PCDHGA10: variants seen among roughly 807,000 people sequenced by gnomAD.
PCDHGA10 encodes protocadherin gamma subfamily A, 10.
A neutral mutation model predicts 59.5 loss-of-function variants in PCDHGA10; 42 were observed. The observed-to-expected ratio is 0.71, with a 90% CI of 0.55 to 0.91. PCDHGA10 has a LOEUF of 0.91. PCDHGA10 is among the 40% of genes least tolerant of loss of function. The pLI, the probability that PCDHGA10 is intolerant of heterozygous loss-of-function variation, is 0.00. For synonymous variants in PCDHGA10, 511 were observed against 517.2 expected, an observed-to-expected ratio of 0.99 and a Z score of 0.16; for missense variants, 1,111 against 1,198.2, an observed-to-expected ratio of 0.93 and a Z score of 1.07.
chr5:141,441,623 C>T (rs530409184), intron 1 of PCDHGA10: 2 of 224,422 alleles, frequency 8.9e-6, no homozygotes, highest in Non-Finnish European at 1.8e-5. Flanking sequence ...TGGCCAGTGA[C>T]CTGGAGCCAC....
intron 1 of PCDHGA10, among the ~76,000 whole-genome samples, chr5:141,457,854 C>A (rs2098930903): frequency 6.6e-6 from 1 of 152,234 alleles, no homozygotes; most frequent in African/African-American, 2.4e-5. Flanking sequence ...AAGTGACATT[C>A]TTCACTGACC....
Position 141,432,244 on chromosome 5 carries a change from C to T in PCDHGA10, c.2436+16633C>T. 1 of 1,614,262 alleles carries T rather than the reference C, an allele frequency of 6.2e-7. No homozygotes were observed. Among genetic ancestry groups the T allele is most frequent in the Non-Finnish European group, 8.5e-7 (1 of 1,180,048 alleles). On this transcript the variant is annotated intron_variant, in intron 1 of 3. Coordinates refer to ENST00000398610, the MANE Select transcript of PCDHGA10 (RefSeq NM_018913.3). The surrounding 1 kb of genome is among the most constrained non-coding windows in gnomAD (Gnocchi z 6.0). ...TCACTTATTCCCTGGCTGAGAACAC[C>T]ATCCAAGGGGCAAGCCTATCGTCCT...
At chr5:141,421,148 G>A (rs1334539595) in intron 1 of PCDHGA10, 2 of 1,056,062 alleles carry the variant, frequency 1.9e-6, no homozygotes, top group African/African-American at 1.6e-5. Context: ...GATGTAGTCG[G>A]CCTAGGACTT....
chr5:141,436,487 A>G (rs2097826897), intron 1 of PCDHGA10, among the ~76,000 whole-genome samples: 2 of 152,196 alleles, frequency 1.3e-5, no homozygotes, highest in Non-Finnish European at 2.9e-5. Context: ...GAAGGATAGC[A>G]GCTTTGCAAT....
chr5:141,429,698 A>G (rs1436698608), intron 1 of PCDHGA10, among the ~76,000 whole-genome samples: 2 of 152,228 alleles, frequency 1.3e-5, no homozygotes, highest in Admixed American at 6.5e-5. Flanking sequence ...ATATCTTTAC[A>G]GTATAAATAT....
chr5:141,443,457 G>C (rs977253701), intron 1 of PCDHGA10, among the ~76,000 whole-genome samples: 12 of 152,194 alleles, frequency 7.9e-5, no homozygotes, highest in Non-Finnish European at 1.3e-4. Flanking sequence ...CTGTACTCCA[G>C]TCTGGGTGAC....
chr5:141,422,043 G>A (rs1307532347), intron 1 of PCDHGA10: 13 of 1,611,504 alleles, frequency 8.1e-6, no homozygotes, highest in African/African-American at 1.3e-5. Flanking sequence ...ATCCAGACGA[G>A]GGAATCAACG....
rs1177173734 is a variant in PCDHGA10, at chr5:141,491,741, G to T, written c.2437-3066G>T. 1.3e-6 allele frequency: 2 copies of T among 1,595,762 alleles called. No individual in the cohort carries two copies. On this transcript the variant is annotated intron_variant, in intron 1 of 3. Transcript: ENST00000398610. This position sits in a 1 kb window ranked among gnomAD's most constrained non-coding sequence, Gnocchi z 6.9. ...CCGCCCCGGGCGACCCCTGGGGGCG[G>T]CACTGGAGAAGCCGCCCGTCCTCAT... is the stretch of plus-strand genomic sequence containing the variant.
intron 2 of PCDHGA10, among the ~76,000 whole-genome samples, chr5:141,502,431 G>A (rs998074347): frequency 1.3e-5 from 2 of 151,948 alleles, no homozygotes; most frequent in African/African-American, 4.8e-5. Context: ...TTCTCTGATG[G>A]TTAGATTCAG....
chr5:141,465,546 T>C (rs572856697), intron 1 of PCDHGA10, among the ~76,000 whole-genome samples: 1 of 152,338 alleles, frequency 6.6e-6, no homozygotes, highest in South Asian at 2.1e-4. Context: ...GCATTTTTTC[T>C]GCTGAAGCTT....
In PCDHGA10 at chr5:141,477,031, A is replaced by C; in HGVS notation, c.2437-17776A>C. Reference sequence around the variant, plus strand: ...TAGACCTTGTAACCGGGATGCTGACAATCAAGGGTCGGCTGGACTTCGAGG... The same window carrying C: ...TAGACCTTGTAACCGGGATGCTGACCATCAAGGGTCGGCTGGACTTCGAGG... On this transcript the variant is annotated intron_variant, in intron 1 of 3. Coordinates refer to ENST00000398610, the MANE Select transcript of PCDHGA10 (RefSeq NM_018913.3). This position sits in a 1 kb window ranked among gnomAD's most constrained non-coding sequence, Gnocchi z 4.9. The C allele has an allele frequency of 6.2e-7, 1 of 1,614,248 alleles. No individual in the cohort carries two copies. Among genetic ancestry groups the C allele is most frequent in the Non-Finnish European group, 8.5e-7 (1 of 1,180,040 alleles).
chr5:141,418,781 G>C, intron 1 of PCDHGA10: 1 of 1,613,716 alleles, frequency 6.2e-7, no homozygotes, highest in African/African-American at 1.3e-5. Context: ...GCAGCCTTTG[G>C]ATTTTGAAGA....
Position 141,439,149 on chromosome 5 carries a change from C to T in PCDHGA10, c.2436+23538C>T, listed in dbSNP as rs543388568. Reference sequence around the variant, plus strand: ...CAGAGGTTGCAGTGAGCTGAGATCACGCCACTGCACTCCAGCCTGGGCGAC... The same window carrying T: ...CAGAGGTTGCAGTGAGCTGAGATCATGCCACTGCACTCCAGCCTGGGCGAC... On this transcript the variant is annotated intron_variant, in intron 1 of 3. Transcript: ENST00000398610. Among the ~76,000 whole-genome samples, 165 of 150,018 alleles carry T rather than the reference C, an allele frequency of 1.1e-3. 1 individual carries two copies. In the Middle Eastern group the frequency reaches 0.017, roughly 16 times the overall value.
At chr5:141,496,050 G>A (rs1232836015) in intron 2 of PCDHGA10, among the ~76,000 whole-genome samples, 2 of 149,892 alleles carry the variant, frequency 1.3e-5, no homozygotes, top group Non-Finnish European at 3.0e-5. Flanking sequence ...ATTTTTTTGT[G>A]CTTGTGGGCA....
In PCDHGA10 at chr5:141,493,664, G is replaced by A. The variant is rs2099749444; in HGVS notation, c.2437-1143G>A. Reference sequence around the variant, plus strand: ...TGGCCATCCCTGTGCCCTTCTCCATGGCAGCCCCAGAATGGTGCTGGTGAC... The same window carrying A: ...TGGCCATCCCTGTGCCCTTCTCCATAGCAGCCCCAGAATGGTGCTGGTGAC... On this transcript the variant is annotated intron_variant, in intron 1 of 3. Coordinates refer to ENST00000398610, the MANE Select transcript of PCDHGA10 (RefSeq NM_018913.3). This position sits in a 1 kb window ranked among gnomAD's most constrained non-coding sequence, Gnocchi z 4.3. Among the ~76,000 whole-genome samples, 1 of 152,136 alleles carries A rather than the reference G, an allele frequency of 6.6e-6. No homozygotes were observed. Among genetic ancestry groups the A allele is most frequent in the Non-Finnish European group, 1.5e-5 (1 of 68,026 alleles).
rs1264017483 is a variant in PCDHGA10 at position 141,477,989 on chromosome 5, A to G, written c.2437-16818A>G. The G allele has an allele frequency of 5.6e-6, 9 of 1,614,086 alleles. No individual in the cohort carries two copies. The highest frequency in any genetic ancestry group is 1.6e-4 in the Middle Eastern group (1 of 6,062). On this transcript the variant is annotated intron_variant, in intron 1 of 3. Coordinates refer to ENST00000398610, the MANE Select transcript of PCDHGA10 (RefSeq NM_018913.3). The surrounding 1 kb of genome is among the most constrained non-coding windows in gnomAD (Gnocchi z 4.9). ...GAGCCTTTTTGCCATAGGGCTGCACACTGGTCAAATCAGTACTGCCCGTCC... is the reference window on the plus strand; with the variant it reads ...GAGCCTTTTTGCCATAGGGCTGCACGCTGGTCAAATCAGTACTGCCCGTCC...
chr5:141,447,433 C>G (rs756021616), intron 1 of PCDHGA10, among the ~76,000 whole-genome samples: 1 of 152,118 alleles, frequency 6.6e-6, no homozygotes. Context: ...CCACCGCACC[C>G]GGAGGAAATT....
Position 141,476,176 on chromosome 5 carries a change from G to C in PCDHGA10, c.2437-18631G>C, listed in dbSNP as rs778169270. 1 of 1,613,530 alleles carries C rather than the reference G, an allele frequency of 6.2e-7. No homozygotes were observed. The highest frequency in any genetic ancestry group is 8.5e-7 in the Non-Finnish European group (1 of 1,180,006). On this transcript the variant is annotated intron_variant, in intron 1 of 3. Transcript: ENST00000398610. The surrounding 1 kb of genome is among the most constrained non-coding windows in gnomAD (Gnocchi z 7.6). ...GCACCGGGAGGGTAGTGGGAGTTTT[G>C]CTTCTGCTTGGTGCCTTGAACAAGG...
chr5:141,436,121 C>T (rs2097796819), intron 1 of PCDHGA10, among the ~76,000 whole-genome samples: 1 of 152,154 alleles, frequency 6.6e-6, no homozygotes, highest in Admixed American at 6.5e-5. Context: ...AAACCTCTCT[C>T]CTCCATCATC....
Sources: allele counts gnomAD v4.1 joint callset (sites outside exome capture counted in the v4.1 genomes callset), GRCh38; gene constraint gnomAD v4.1.1; non-coding constraint Gnocchi (gnomAD v3.1); transcripts MANE v1.5; gene names NCBI Gene and HGNC (gene_info 2026-07-23, HGNC 2026-07-21).